The following SERGEF variants were observed in gnomAD, a reference collection of about 807,000 sequenced individuals.
SERGEF encodes the protein secretion regulating guanine nucleotide exchange factor.
SERGEF carries 51 observed loss-of-function variants against 50.0 expected under a neutral mutation model. The observed-to-expected ratio is 1.02, with a 90% CI of 0.81 to 1.29. The LOEUF is 1.29. Among genes scored for constraint, SERGEF ranks in the 50% most tolerant of loss-of-function variants. SERGEF has a pLI of 0.00. For synonymous variants in SERGEF, 205 were observed against 212.4 expected, an observed-to-expected ratio of 0.97 and a Z score of 0.30; for missense variants, 521 against 557.0, an observed-to-expected ratio of 0.94 and a Z score of 0.65.
chr11:17,846,722 T>G, intron 10 of SERGEF: 1 of 456,240 alleles, frequency 2.2e-6, no homozygotes, highest in Non-Finnish European at 4.4e-6. Flanking sequence ...CATTTCCACA[T>G]CAGCAAAACT....
At chr11:17,999,830 C>T (rs1434038231) in intron 5 of SERGEF, among the ~76,000 whole-genome samples, 2 of 152,210 alleles carry the variant, frequency 1.3e-5, no homozygotes, top group African/African-American at 2.4e-5. Flanking sequence ...CCAAGCTCTA[C>T]GTTACTCCCT....
At chr11:17,855,932 C>T (rs1850808984) in intron 10 of SERGEF, 1 of 152,172 alleles carries the variant, frequency 6.6e-6, no homozygotes, top group Non-Finnish European at 1.5e-5. Context: ...AGATCCTTTC[C>T]AGCACCAACC....
chr11:17,970,001 G>T (rs1853213638), intron 8 of SERGEF, among the ~76,000 whole-genome samples: 1 of 152,226 alleles, frequency 6.6e-6, no homozygotes, highest in Non-Finnish European at 1.5e-5. Context: ...GTCAAATAGT[G>T]AGTTAGAAGT....
chr11:17,891,823 T>C (rs992806535), intron 9 of SERGEF, among the ~76,000 whole-genome samples: 2 of 152,216 alleles, frequency 1.3e-5, no homozygotes, highest in African/African-American at 4.8e-5. Context: ...ACAGACTGCC[T>C]CTCAAAGCTA....
intron 10 of SERGEF, among the ~76,000 whole-genome samples, chr11:17,841,681 T>G (rs1192668071): frequency 6.6e-6 from 1 of 152,220 alleles, no homozygotes; most frequent in East Asian, 1.9e-4. Context: ...TAACCACCTC[T>G]GCTTCAAATC....
At chr11:18,000,840 G>C in intron 4 of SERGEF, 1 of 580,466 alleles carries the variant, frequency 1.7e-6, no homozygotes, top group Non-Finnish European at 3.2e-6. Flanking sequence ...AATGTTTTCT[G>C]TAAAGGGACA....
intron 4 of SERGEF, 75 bp from the exon 5 acceptor site, chr11:18,000,632 C>A: frequency 9.6e-7 from 1 of 1,044,936 alleles, no homozygotes; most frequent in Non-Finnish European, 1.5e-6. Context: ...ATACCAAATA[C>A]AATGCAGTAC....
intron 10 of SERGEF, among the ~76,000 whole-genome samples, chr11:17,790,307 A>C (rs1214236128): frequency 6.6e-6 from 1 of 152,134 alleles, no homozygotes; most frequent in Non-Finnish European, 1.5e-5. Context: ...AGTTTGTTTT[A>C]AAGACTTACA....
chr11:17,869,200 C>T (rs961985981), intron 10 of SERGEF, among the ~76,000 whole-genome samples: 1 of 152,256 alleles, frequency 6.6e-6, no homozygotes. Flanking sequence ...AAAAGCCATA[C>T]AGGAAAAGAC....
At chr11:17,927,059 T>C (rs1481579195) in intron 9 of SERGEF, among the ~76,000 whole-genome samples, 1 of 152,190 alleles carries the variant, frequency 6.6e-6, no homozygotes, top group African/African-American at 2.4e-5. Context: ...ACATACCTAC[T>C]CTATTCCCGG....
At position 18,006,604 on chromosome 11, in the gene SERGEF, C is replaced by T. The variant is rs779514224; in HGVS notation, c.339G>A (p.Thr113=). The T allele has an allele frequency of 1.1e-5, 18 of 1,613,716 alleles. No homozygotes were observed. In the Admixed American group the frequency reaches 1.3e-4, roughly 12 times the overall value. ...GAGTGAACTCACCTGTGAGCATAAT[C>T]GTAAAATCCCAGCCACAGGCCACCT... The part of the protein sequence containing the change: ...IQQVACGWDF[T]IMLTENGQVL... Residue 113 remains threonine (T), a synonymous_variant, in exon 3 of 11, where the codon ACG becomes ACA. Transcript: ENST00000265965.
chr11:17,855,313 T>C (rs1850798145), intron 10 of SERGEF: 1 of 152,118 alleles, frequency 6.6e-6, no homozygotes, highest in African/African-American at 2.4e-5. Flanking sequence ...CATTTTAAAA[T>C]TGAAGATTAA....
chr11:17,890,620 G>C (rs1309844444), intron 9 of SERGEF, among the ~76,000 whole-genome samples: 8 of 152,094 alleles, frequency 5.3e-5, no homozygotes, highest in Admixed American at 2.6e-4. Context: ...GGGGTCTTAT[G>C]ATGTGGCCCA....
intron 8 of SERGEF, among the ~76,000 whole-genome samples, chr11:17,978,562 G>A (rs75410702): frequency 0.021 from 3,239 of 152,280 alleles, 105 homozygotes; most frequent in African/African-American, 0.074. Flanking sequence ...GAAAAAGGCA[G>A]ACAGTTAACT....
At chr11:17,907,080 G>C (rs144032406) in intron 9 of SERGEF, among the ~76,000 whole-genome samples, 64 of 145,718 alleles carry the variant, frequency 4.4e-4, no homozygotes, top group Middle Eastern at 3.7e-3. Flanking sequence ...CTTGGGGAAA[G>C]AGGAAAATAT....
chr11:17,995,050 G>A (rs1185278550), intron 6 of SERGEF, among the ~76,000 whole-genome samples: 1 of 152,056 alleles, frequency 6.6e-6, no homozygotes, highest in Non-Finnish European at 1.5e-5. Flanking sequence ...ATGGAGACAT[G>A]GTGCTGTATA....
chr11:17,839,583 C>T (rs1253853419), intron 10 of SERGEF, among the ~76,000 whole-genome samples: 2 of 152,064 alleles, frequency 1.3e-5, no homozygotes, highest in Non-Finnish European at 2.9e-5. Flanking sequence ...ACAGCGTGTC[C>T]CAGCCTACCC....
intron 10 of SERGEF, among the ~76,000 whole-genome samples, chr11:17,826,811 G>A (rs1229724619): frequency 6.6e-6 from 1 of 152,184 alleles, no homozygotes; most frequent in Admixed American, 6.5e-5. Context: ...TGTTCTGAAG[G>A]AAAAAGTTTG....
Position 17,793,118 on chromosome 11 carries a change from C to T in SERGEF, c.1049-4705G>A, listed in dbSNP as rs144504981. ...GGTTGCCATGAGGAGGAGCAATGCC[C>T]CAGCACCATGCCTGACACAGTGACA... On this transcript the variant is annotated intron_variant, in intron 10 of 10. Transcript: ENST00000265965. 2.0e-3 allele frequency among the ~76,000 whole-genome samples: 306 copies of T among 152,244 alleles called. 1 individual carries two copies. Among genetic ancestry groups the T allele is most frequent in the South Asian group, 0.014 (65 of 4,814 alleles).
Sources: allele counts gnomAD v4.1 joint callset (sites outside exome capture counted in the v4.1 genomes callset), GRCh38; gene constraint gnomAD v4.1.1; transcripts MANE v1.5; gene names NCBI Gene and HGNC (gene_info 2026-07-23, HGNC 2026-07-21).